The following ZNF610 variants were observed in gnomAD, a reference collection of about 807,000 sequenced individuals.
ZNF610 encodes zink finger protein.
A neutral mutation model predicts 14.1 loss-of-function variants in ZNF610; 14 were observed. That is an observed-to-expected ratio of 0.99 (90% CI 0.65 to 1.55). The LOEUF (loss-of-function observed/expected upper bound fraction) is 1.55, where lower values mean the gene tolerates loss of function less well. Ranked by LOEUF, ZNF610 falls within the 40% of genes most tolerant of loss-of-function variation. ZNF610 has a pLI of 0.00. For synonymous variants in ZNF610, 185 were observed against 187.6 expected (o/e 0.99, Z 0.11); for missense variants, 530 against 558.0 (o/e 0.95, Z 0.51).
At chr19:52,345,957 A>G (rs60413870) in intron 1 of ZNF610, among the ~76,000 whole-genome samples, 53 of 147,350 alleles carry the variant, frequency 3.6e-4, no homozygotes, top group Admixed American at 7.4e-4. Context: ...ACCCGCCTTG[A>G]CCTCCCAAAG....
chr19:52,335,052 T>G (rs1600227025), upstream of ZNF610, among the ~76,000 whole-genome samples: 1 of 95,018 alleles, frequency 1.1e-5, no homozygotes, highest in African/African-American at 5.2e-5. Context: ...TCCCAGCACT[T>G]TGGGGGCCGG....
chr19:52,360,597 T>C (rs1483653668), intron 5 of ZNF610, among the ~76,000 whole-genome samples: 4 of 152,238 alleles, frequency 2.6e-5, no homozygotes, highest in Non-Finnish European at 1.5e-5. Flanking sequence ...TCCTAATGTG[T>C]AGAGTGTTTC....
At chr19:52,357,829 G>C (rs961484970) in intron 5 of ZNF610, among the ~76,000 whole-genome samples, 1 of 151,946 alleles carries the variant, frequency 6.6e-6, no homozygotes, top group Non-Finnish European at 1.5e-5. Context: ...CAAATAGATA[G>C]AGAAGGATAA....
intron 5 of ZNF610, among the ~76,000 whole-genome samples, chr19:52,358,336 ACCATGCCCAG>A (rs900242715): frequency 1.3e-5 from 2 of 152,180 alleles, no homozygotes; most frequent in African/African-American, 4.8e-5. Context: ...GGCATGCGCC[ACCATGCCCAG>A]CTAATTTTTG....
At chr19:52,354,740 A>C (rs1985447533) in intron 5 of ZNF610, among the ~76,000 whole-genome samples, 1 of 151,824 alleles carries the variant, frequency 6.6e-6, no homozygotes, top group Non-Finnish European at 1.5e-5. Context: ...CACCACACCC[A>C]GCTAATTTTT....
chr19:52,353,771 C>T lies in ZNF610; in HGVS notation c.153C>T (p.Asp51=), dbSNP rs202047444. The T allele has an allele frequency of 5.6e-5, 91 of 1,613,088 alleles. No homozygotes were observed. The highest frequency in any genetic ancestry group is 3.5e-4 in the South Asian group (32 of 90,822). The change falls in exon 4 of 6, where the codon GAC becomes GAT. Residue 51 remains aspartate, a synonymous_variant. Transcript: ENST00000403906. The stretch of plus-strand genomic sequence containing the variant: ...CTGGACAGAGGGCTTTATACAGGGA[C>T]GTGATGTTGGAGAACTACAGGAACC... ...LDPGQRALYR[D]VMLENYRNLV... is the part of the protein sequence containing the mutation.
intron 5 of ZNF610, among the ~76,000 whole-genome samples, chr19:52,359,493 T>C (rs1029229470): frequency 1.3e-5 from 2 of 152,088 alleles, no homozygotes; most frequent in African/African-American, 2.4e-5. Flanking sequence ...CAATCCATGG[T>C]TAGTTGAATC....
chr19:52,365,425 C>T (rs1267613694), intron 5 of ZNF610, among the ~76,000 whole-genome samples: 1 of 152,116 alleles, frequency 6.6e-6, no homozygotes, highest in Non-Finnish European at 1.5e-5. Context: ...AGGCTCATCC[C>T]TGCTTTTTCT....
At chr19:52,336,010 T>G (rs756854325), upstream of ZNF610, among the ~76,000 whole-genome samples, 8 of 152,064 alleles carry the variant, frequency 5.3e-5, no homozygotes, top group Non-Finnish European at 8.8e-5. Context: ...GGACTACAGG[T>G]GCCTGCCACC....
At chr19:52,345,126 G>A (rs1189073662) in intron 1 of ZNF610, 1 of 152,052 alleles carries the variant, frequency 6.6e-6, no homozygotes, top group Non-Finnish European at 1.5e-5. Flanking sequence ...CTCCTTTTCT[G>A]GTATATCTAG....
intron 1 of ZNF610, among the ~76,000 whole-genome samples, chr19:52,340,887 G>A (rs916946460): frequency 1.6e-4 from 25 of 151,868 alleles, no homozygotes; most frequent in African/African-American, 6.0e-4. Context: ...CACCATGTTG[G>A]CCAGGCTGGT....
At chr19:52,357,058 C>G (rs1985556553) in intron 5 of ZNF610, among the ~76,000 whole-genome samples, 1 of 152,196 alleles carries the variant, frequency 6.6e-6, no homozygotes, top group Admixed American at 6.5e-5. Context: ...TGCCCCCTTT[C>G]AGACACGGGT....
At chr19:52,335,418 C>T (rs1444345439), upstream of ZNF610, among the ~76,000 whole-genome samples, 2 of 152,330 alleles carry the variant, frequency 1.3e-5, no homozygotes, top group African/African-American at 4.8e-5. Flanking sequence ...GGAGATGCCC[C>T]GTTCGTTCTG....
At chr19:52,357,374 A>G (rs2657935) in intron 5 of ZNF610, among the ~76,000 whole-genome samples, 41,602 of 152,014 alleles carry the variant, frequency 0.27, 7,159 homozygotes, top group African/African-American at 0.49. Flanking sequence ...GGCCGGGCGC[A>G]GTGGCTCACG....
At chr19:52,345,797 C>T (rs529466060) in intron 1 of ZNF610, among the ~76,000 whole-genome samples, 4 of 151,572 alleles carry the variant, frequency 2.6e-5, no homozygotes, top group Non-Finnish European at 2.9e-5. Context: ...CTCCGTCTCC[C>T]GGGTTCACAC....
chr19:52,341,447 T>A (rs1157477180), intron 1 of ZNF610, among the ~76,000 whole-genome samples: 3 of 151,100 alleles, frequency 2.0e-5, no homozygotes, highest in Non-Finnish European at 4.4e-5. Context: ...GTAGCTGGGA[T>A]TACAAGCACA....
intron 5 of ZNF610, among the ~76,000 whole-genome samples, chr19:52,359,091 GCTTT>G (rs1248132754): frequency 2.0e-5 from 3 of 152,156 alleles, no homozygotes; most frequent in Non-Finnish European, 2.9e-5. Flanking sequence ...AACACCTCCA[GCTTT>G]CTTTCTTTCA....
upstream of ZNF610, chr19:52,336,103 C>T (rs73934431): frequency 0.016 from 2,404 of 153,494 alleles, 74 homozygotes; most frequent in African/African-American, 0.055. Context: ...CCGGCAGGAT[C>T]CCAGTTTGCA....
intron 1 of ZNF610, chr19:52,344,888 T>C (rs770841132): frequency 6.6e-6 from 1 of 152,256 alleles, no homozygotes; most frequent in African/African-American, 2.4e-5. Flanking sequence ...GTTCAAGTGA[T>C]TCTCATGCCT....
Sources: gnomAD v4.1 joint callset for allele counts (sites outside exome capture counted in the v4.1 genomes callset) on GRCh38, gnomAD v4.1.1 for gene constraint, MANE v1.5 for transcripts, NCBI Gene and HGNC (gene_info 2026-07-23, HGNC 2026-07-21) for gene names.